Variants in MED27 observed in about 807,000 individuals in gnomAD.
The protein encoded by MED27 is mediator complex subunit 27, also known as mediator of RNA polymerase II transcription subunit 27.
In MED27, 30 loss-of-function variants were observed where a neutral mutation model predicts 38.2. That is an observed-to-expected ratio of 0.79 (90% CI 0.59 to 1.07). MED27 has a LOEUF of 1.07. MED27 is among the 50% of genes least tolerant of loss of function. MED27 has a pLI of 0.00. For missense variants in MED27, 289 were observed against 397.5 expected (o/e 0.73, Z 2.32); for synonymous variants, 122 against 153.5 (o/e 0.79, Z 1.52).
At chr9:131,950,840 A>T (rs1157859012) in intron 3 of MED27, among the ~76,000 whole-genome samples, 2 of 152,250 alleles carry the variant, frequency 1.3e-5, no homozygotes, top group African/African-American at 2.4e-5. Flanking sequence ...CATGTGGTGA[A>T]CGGGACTGAT....
At chr9:132,012,527 A>G (rs1177687369) in intron 3 of MED27, among the ~76,000 whole-genome samples, 1 of 152,158 alleles carries the variant, frequency 6.6e-6, no homozygotes, top group Non-Finnish European at 1.5e-5. Flanking sequence ...AAGTGGTGGC[A>G]TAAGAACGTC....
intron 2 of MED27, among the ~76,000 whole-genome samples, chr9:132,056,676 A>C (rs1833584657): frequency 6.6e-6 from 1 of 152,182 alleles, no homozygotes; most frequent in East Asian, 1.9e-4. Flanking sequence ...GCAACTTCTC[A>C]ACTTTCACAG....
intron 3 of MED27, among the ~76,000 whole-genome samples, chr9:132,008,395 C>T (rs903592068): frequency 3.3e-5 from 5 of 152,192 alleles, no homozygotes; most frequent in East Asian, 3.8e-4. Flanking sequence ...AGCCTCTTTA[C>T]GGAAACGATA....
At chr9:131,878,458 C>T (rs1564265397) in intron 6 of MED27, among the ~76,000 whole-genome samples, 2 of 152,166 alleles carry the variant, frequency 1.3e-5, no homozygotes, top group Admixed American at 1.3e-4. Context: ...CATCCCTCTG[C>T]AATGACTGTG....
intron 4 of MED27, among the ~76,000 whole-genome samples, chr9:131,909,191 G>A (rs1830143965): frequency 1.3e-5 from 2 of 152,104 alleles, no homozygotes; most frequent in African/African-American, 4.8e-5. Context: ...AAGAAGAAGG[G>A]AAAAAACCTG....
At chr9:132,046,705 G>C (rs1192967226) in intron 2 of MED27, among the ~76,000 whole-genome samples, 2 of 152,160 alleles carry the variant, frequency 1.3e-5, no homozygotes, top group Non-Finnish European at 2.9e-5. Flanking sequence ...AGCCTAAAAT[G>C]TTGAGGGTAG....
chr9:132,047,970 GCATGTGGGA>G (rs1833378876), intron 2 of MED27, among the ~76,000 whole-genome samples: 1 of 152,146 alleles, frequency 6.6e-6, no homozygotes, highest in Admixed American at 6.5e-5. Flanking sequence ...GGAACACTAA[GCATGTGGGA>G]GTTATTTATA....
intron 4 of MED27, among the ~76,000 whole-genome samples, chr9:131,908,377 A>G (rs978074420): frequency 5.3e-5 from 8 of 152,226 alleles, no homozygotes; most frequent in Non-Finnish European, 1.0e-4. Context: ...TGGGAGGTGT[A>G]CCCAACAGCT....
intron 2 of MED27, among the ~76,000 whole-genome samples, chr9:132,016,585 C>T (rs1451817895): frequency 6.6e-6 from 1 of 152,196 alleles, no homozygotes; most frequent in East Asian, 1.9e-4. Flanking sequence ...ACTTGGGTTT[C>T]GATCTTCCCT....
chr9:132,058,270 G>A (rs1274688527), intron 2 of MED27, among the ~76,000 whole-genome samples: 1 of 152,146 alleles, frequency 6.6e-6, no homozygotes, highest in African/African-American at 2.4e-5. Context: ...TAGCAACTTG[G>A]AAGATGGTAC....
intron 6 of MED27, among the ~76,000 whole-genome samples, chr9:131,878,389 T>G (rs991162995): frequency 6.6e-6 from 1 of 152,168 alleles, no homozygotes. Context: ...TGACCCACCA[T>G]GCACAATCCA....
intron 2 of MED27, among the ~76,000 whole-genome samples, chr9:132,063,471 C>T (rs562894610): frequency 1.3e-5 from 2 of 152,142 alleles, no homozygotes; most frequent in African/African-American, 2.4e-5. Flanking sequence ...ACGTTTTGGC[C>T]GAGGATTCCA....
chr9:132,015,606 T>A (rs1371417360), intron 2 of MED27, among the ~76,000 whole-genome samples: 1 of 152,184 alleles, frequency 6.6e-6, no homozygotes, highest in African/African-American at 2.4e-5. Context: ...AGAAAGCTCA[T>A]TTGTGCCCTA....
intron 3 of MED27, among the ~76,000 whole-genome samples, chr9:131,970,860 T>A (rs1831461384): frequency 6.6e-6 from 1 of 152,180 alleles, no homozygotes; most frequent in Admixed American, 6.5e-5. Context: ...TTCGTTTGGA[T>A]CCTGATAAAA....
intron 4 of MED27, among the ~76,000 whole-genome samples, chr9:131,916,441 A>T (rs1244971640): frequency 1.3e-5 from 2 of 152,230 alleles, no homozygotes; most frequent in Non-Finnish European, 2.9e-5. Flanking sequence ...AGGAAGAGAA[A>T]CATCATTTTT....
intron 2 of MED27, among the ~76,000 whole-genome samples, chr9:132,063,283 C>A (rs1833738128): frequency 6.6e-6 from 1 of 152,210 alleles, no homozygotes; most frequent in Non-Finnish European, 1.5e-5. Flanking sequence ...ACCCCCTCAG[C>A]TAGCCAAGAG....
At chr9:131,908,233 G>A (rs1420833795) in intron 4 of MED27, among the ~76,000 whole-genome samples, 2 of 127,520 alleles carry the variant, frequency 1.6e-5, no homozygotes, top group African/African-American at 3.0e-5. Context: ...CCGGCCAGCC[G>A]CCCCGTCCGG....
chr9:132,073,970 G>A (rs564160344), intron 2 of MED27, among the ~76,000 whole-genome samples: 1 of 152,300 alleles, frequency 6.6e-6, no homozygotes, highest in African/African-American at 2.4e-5. Flanking sequence ...AAAGCCTGGT[G>A]ACAGGATGCC....
At chr9:131,866,405 G>A (rs1838736969) in intron 6 of MED27, among the ~76,000 whole-genome samples, 1 of 152,216 alleles carries the variant, frequency 6.6e-6, no homozygotes, top group Admixed American at 6.5e-5. Context: ...TTGCTAAATG[G>A]CCTTTGACCC....
Sources: allele counts gnomAD v4.1 joint callset (sites outside exome capture counted in the v4.1 genomes callset), GRCh38; gene constraint gnomAD v4.1.1; transcripts MANE v1.5; gene names NCBI Gene and HGNC (gene_info 2026-07-23, HGNC 2026-07-21).